The following ZNF385D variants were observed in gnomAD, a reference collection of about 807,000 sequenced individuals.
The protein encoded by ZNF385D is zinc finger protein 659.
In ZNF385D, 15 loss-of-function variants were observed where a neutral mutation model predicts 35.8. The observed-to-expected ratio is 0.42, with a 90% CI of 0.28 to 0.64. ZNF385D has a LOEUF of 0.64. Ranked by LOEUF, ZNF385D falls within the 30% of genes least tolerant of loss-of-function variation. The pLI is 0.23. For missense variants in ZNF385D, 474 were observed against 494.6 expected (o/e 0.96, Z 0.39); for synonymous variants, 212 against 186.8 (o/e 1.13, Z -1.10).
At chr3:22,359,045 A>AAAAC (rs138493725) in intron 2 of ZNF385D, among the ~76,000 whole-genome samples, 4 of 147,578 alleles carry the variant, frequency 2.7e-5, no homozygotes, top group African/African-American at 7.4e-5. Flanking sequence ...TACCCGTATT[A>AAAAC]AAACAAACAA....
intron 2 of ZNF385D, among the ~76,000 whole-genome samples, chr3:22,324,057 C>G (rs572995340): frequency 6.6e-6 from 1 of 151,774 alleles, no homozygotes; most frequent in African/African-American, 2.4e-5. Context: ...CCTAAAATGA[C>G]ATTTGATAAA....
chr3:22,142,890 T>A (rs758611400), intron 3 of ZNF385D, among the ~76,000 whole-genome samples: 1 of 152,050 alleles, frequency 6.6e-6, no homozygotes, highest in Non-Finnish European at 1.5e-5. Flanking sequence ...CCATAAAGAA[T>A]AGCAATAGTA....
intron 3 of ZNF385D, among the ~76,000 whole-genome samples, chr3:21,541,896 T>G (rs983265790): frequency 6.6e-6 from 1 of 152,182 alleles, no homozygotes; most frequent in Admixed American, 6.6e-5. Flanking sequence ...ACAAAAAAAC[T>G]GATTAAAATT....
intron 4 of ZNF385D, among the ~76,000 whole-genome samples, chr3:21,451,620 C>T (rs3913939): frequency 0.28 from 42,034 of 151,826 alleles, 6,459 homozygotes; most frequent in East Asian, 0.43. Context: ...ATCTCAAAGG[C>T]AAACATAAAT....
intron 3 of ZNF385D, among the ~76,000 whole-genome samples, chr3:21,895,055 G>A (rs898471291): frequency 2.6e-5 from 4 of 151,988 alleles, no homozygotes; most frequent in Non-Finnish European, 5.9e-5. Context: ...GGAGAGCTAC[G>A]CAACAGATGG....
At chr3:21,610,222 A>G (rs17009139) in intron 2 of ZNF385D, among the ~76,000 whole-genome samples, 4,213 of 152,182 alleles carry the variant, frequency 0.028, 108 homozygotes, top group South Asian at 0.11. Context: ...ATGAGCTTCT[A>G]TTACAACAAA....
At chr3:21,586,462 G>T (rs1363698122) in intron 2 of ZNF385D, among the ~76,000 whole-genome samples, 1 of 152,148 alleles carries the variant, frequency 6.6e-6, no homozygotes, top group East Asian at 1.9e-4. Flanking sequence ...CTCCTATGCT[G>T]TATGTCCAAT....
At position 21,894,041 on chromosome 3, in the gene ZNF385D, G is replaced by A. The variant is rs151117849; in HGVS notation, c.326-229013C>T. Among the ~76,000 whole-genome samples the A allele has an allele frequency of 4.6e-3, 693 of 152,174 alleles. 6 individuals carry two copies. Among genetic ancestry groups the A allele is most frequent in the African/African-American group, 0.015 (623 of 41,526 alleles). On this transcript the variant is annotated intron_variant, in intron 3 of 5. Transcript: ENST00000494108. ...AAAAATATCCAATGATAGAATACTTGTTTCTGTGTCTCGAGGCAGTTAGAT... is the reference window on the plus strand; with the variant it reads ...AAAAATATCCAATGATAGAATACTTATTTCTGTGTCTCGAGGCAGTTAGAT...
At chr3:21,664,838 T>C (rs1453106332) in intron 2 of ZNF385D, 48 bp downstream of exon 2, 3 of 1,612,344 alleles carry the variant, frequency 1.9e-6, no homozygotes, top group South Asian at 2.2e-5. Context: ...TTAAGTTAGT[T>C]TTCCAATACC....
chr3:22,338,863 G>A (rs916999602), intron 2 of ZNF385D, among the ~76,000 whole-genome samples: 1 of 151,762 alleles, frequency 6.6e-6, no homozygotes, highest in Non-Finnish European at 1.5e-5. Flanking sequence ...ACCACACCTA[G>A]CTAATTTTTG....
At chr3:21,992,498 G>T (rs531144963) in intron 3 of ZNF385D, among the ~76,000 whole-genome samples, 1 of 152,080 alleles carries the variant, frequency 6.6e-6, no homozygotes, top group Non-Finnish European at 1.5e-5. Context: ...TTCCCGTGGT[G>T]CAAGTTACTA....
intron 4 of ZNF385D, among the ~76,000 whole-genome samples, chr3:21,498,702 G>A (rs1018460846): frequency 6.6e-6 from 1 of 152,016 alleles, no homozygotes; most frequent in African/African-American, 2.4e-5. Context: ...GTCACACTTT[G>A]GGAGGCCAAG....
chr3:21,720,698 G>T (rs1013508208), intron 1 of ZNF385D, among the ~76,000 whole-genome samples: 6 of 152,214 alleles, frequency 3.9e-5, no homozygotes, highest in African/African-American at 1.4e-4. Flanking sequence ...GTGACTTGGA[G>T]AAGTCATCAA....
At chr3:21,522,107 T>A (rs1707943791) in intron 3 of ZNF385D, among the ~76,000 whole-genome samples, 1 of 152,156 alleles carries the variant, frequency 6.6e-6, no homozygotes, top group African/African-American at 2.4e-5. Context: ...AAATTGTGAA[T>A]AAACTGTGCT....
chr3:21,832,039 T>C (rs117702221), intron 3 of ZNF385D, among the ~76,000 whole-genome samples: 110 of 151,960 alleles, frequency 7.2e-4, no homozygotes, highest in East Asian at 5.4e-3. Flanking sequence ...ATAGAAACAT[T>C]AAAAATTGAC....
intron 2 of ZNF385D, among the ~76,000 whole-genome samples, chr3:22,311,195 C>T (rs115937474): frequency 0.025 from 3,731 of 151,992 alleles, 87 homozygotes; most frequent in South Asian, 0.098. Context: ...AAAGTCTTTA[C>T]TATATCCAGA....
At chr3:22,232,716 A>G (rs1576536928) in intron 2 of ZNF385D, among the ~76,000 whole-genome samples, 1 of 152,126 alleles carries the variant, frequency 6.6e-6, no homozygotes, top group African/African-American at 2.4e-5. Context: ...AAGGAGATGA[A>G]CTCATCCTTT....
At chr3:21,569,834 C>T (rs909991736) in intron 2 of ZNF385D, among the ~76,000 whole-genome samples, 2 of 142,676 alleles carry the variant, frequency 1.4e-5, no homozygotes, top group African/African-American at 5.2e-5. Context: ...TGCGTGTTCT[C>T]ACTCATAGAT....
chr3:21,937,626 T>C (rs1171777558), intron 3 of ZNF385D, among the ~76,000 whole-genome samples: 8 of 152,116 alleles, frequency 5.3e-5, no homozygotes, highest in Non-Finnish European at 7.4e-5. Flanking sequence ...ATAAAAAATT[T>C]TAAAAACCTG....
Sources: allele counts gnomAD v4.1 joint callset (sites outside exome capture counted in the v4.1 genomes callset), GRCh38; gene constraint gnomAD v4.1.1; transcripts MANE v1.5; gene names NCBI Gene and HGNC (gene_info 2026-07-23, HGNC 2026-07-21).